Variants in TRAF3IP2 observed in about 807,000 individuals in gnomAD.
The protein encoded by TRAF3IP2 is TRAF3 interacting protein 2.
Under a neutral mutation model 57.9 loss-of-function variants are expected in TRAF3IP2, and 35 were observed. That is an observed-to-expected ratio of 0.60 (90% CI 0.46 to 0.80). TRAF3IP2 has a LOEUF of 0.80. TRAF3IP2 is among the 30% of genes least tolerant of loss of function. TRAF3IP2 has a pLI of 0.00. For missense variants in TRAF3IP2, 556 were observed against 706.4 expected (o/e 0.79, Z 2.41); for synonymous variants, 251 against 268.9 (o/e 0.93, Z 0.65).
chr6:111,572,987 A>C lies in TRAF3IP2; in HGVS notation c.1202-4T>G, dbSNP rs1795877265. 2 of 1,610,318 alleles carry C rather than the reference A, an allele frequency of 1.2e-6. No individual in the cohort carries two copies. Among genetic ancestry groups the C allele is most frequent in the East Asian group, 4.5e-5 (2 of 44,832 alleles). ...GAATAAGTGATAAAGACTTTCCCTA[A>C]GAGAAAATTTTTACATTTATTAGAA... On this transcript the variant is annotated splice_region_variant and splice_polypyrimidine_tract_variant and intron_variant, in intron 4 of 8. Transcript: ENST00000368761.
chr6:111,570,221 C>T (rs1000792131), intron 5 of TRAF3IP2, among the ~76,000 whole-genome samples: 1 of 152,126 alleles, frequency 6.6e-6, no homozygotes, highest in African/African-American at 2.4e-5. Flanking sequence ...TTCCAGACTC[C>T]AGAACTGTGA....
intron 2 of TRAF3IP2, among the ~76,000 whole-genome samples, chr6:111,580,857 C>T (rs575034870): frequency 1.3e-5 from 2 of 152,170 alleles, no homozygotes; most frequent in African/African-American, 2.4e-5. Context: ...TGCACACACA[C>T]GTGCGCGCAC....
chr6:111,585,622 A>T (rs1433956584), intron 2 of TRAF3IP2, among the ~76,000 whole-genome samples: 1 of 152,188 alleles, frequency 6.6e-6, no homozygotes, highest in African/African-American at 2.4e-5. Flanking sequence ...GGGGAGACAT[A>T]TGAGTCGACA....
intron 2 of TRAF3IP2, among the ~76,000 whole-genome samples, chr6:111,584,734 T>A (rs1020566201): frequency 6.6e-6 from 1 of 151,884 alleles, no homozygotes; most frequent in Non-Finnish European, 1.5e-5. Flanking sequence ...GTTTTAATCA[T>A]TTTTTTCCAA....
intron 1 of TRAF3IP2, among the ~76,000 whole-genome samples, chr6:111,593,202 G>T (rs982320182): frequency 6.6e-6 from 1 of 152,152 alleles, no homozygotes; most frequent in African/African-American, 2.4e-5. Context: ...AAATCCCAGA[G>T]GGTTATTCTA....
Position 111,585,159 on chromosome 6 carries a change from A to G in TRAF3IP2, c.830-4770T>C, listed in dbSNP as rs140920676. 2.8e-3 allele frequency among the ~76,000 whole-genome samples: 424 copies of G among 152,300 alleles called. 1 individual carries two copies. Among genetic ancestry groups the G allele is most frequent in the African/African-American group, 7.7e-3 (318 of 41,558 alleles). ...AACAACCAGTTACTTCCCTTATAGCACTTATAATTTGTCATTCTGTTTCTG... is the reference window on the plus strand; with the variant it reads ...AACAACCAGTTACTTCCCTTATAGCGCTTATAATTTGTCATTCTGTTTCTG... On this transcript the variant is annotated intron_variant, in intron 2 of 8. Transcript: ENST00000368761.
At chr6:111,574,072 T>G (rs1394257373) in intron 4 of TRAF3IP2, 1 of 152,220 alleles carries the variant, frequency 6.6e-6, no homozygotes, top group East Asian at 1.9e-4. Flanking sequence ...ATATATATGA[T>G]CTATAGATTG....
At chr6:111,575,218 C>G (rs1439175954) in intron 4 of TRAF3IP2, among the ~76,000 whole-genome samples, 27 of 152,008 alleles carry the variant, frequency 1.8e-4, no homozygotes, top group Non-Finnish European at 2.9e-5. Context: ...GAGTGAGACC[C>G]TGTCTTAAAA....
At chr6:111,563,724 T>A (rs189168596) in intron 7 of TRAF3IP2, among the ~76,000 whole-genome samples, 1 of 152,284 alleles carries the variant, frequency 6.6e-6, no homozygotes, top group East Asian at 1.9e-4. Flanking sequence ...TGAAAGTGTG[T>A]TGATGTGGTT....
At chr6:111,560,524 T>A (rs1795396070) in intron 8 of TRAF3IP2, among the ~76,000 whole-genome samples, 1 of 152,224 alleles carries the variant, frequency 6.6e-6, no homozygotes, top group African/African-American at 2.4e-5. Context: ...ACCTGCTGCA[T>A]GGCAGGCATC....
Position 111,591,853 on chromosome 6 carries a change from C to T in TRAF3IP2, c.234G>A (p.Arg78=), listed in dbSNP as rs1466622467. ...CTTGAGTGCGCAGGCAGGTGACCTGCCGGGATACAGGCCGCTGGTGATTTG... is the reference window on the plus strand; with the variant it reads ...CTTGAGTGCGCAGGCAGGTGACCTGTCGGGATACAGGCCGCTGGTGATTTG... The part of the protein sequence containing the change: ...KLANHQRPVS[R]QVTCLRTQVL... Residue 78 remains arginine, a synonymous_variant, in exon 2 of 9, where the codon CGG becomes CGA. Coordinates refer to ENST00000368761, the MANE Select transcript of TRAF3IP2 (RefSeq NM_147686.4). This position sits in a 1 kb window ranked among gnomAD's most constrained non-coding sequence, Gnocchi z 4.9. The T allele has an allele frequency of 6.2e-7, 1 of 1,614,078 alleles. No homozygotes were observed. Among genetic ancestry groups the T allele is most frequent in the African/African-American group, 1.3e-5 (1 of 74,924 alleles).
intron 1 of TRAF3IP2, among the ~76,000 whole-genome samples, chr6:111,596,868 G>C (rs1459744587): frequency 1.3e-5 from 2 of 152,138 alleles, no homozygotes; most frequent in African/African-American, 2.4e-5. Context: ...CAAAGTGCTG[G>C]GATTATAAGT....
intron 5 of TRAF3IP2, among the ~76,000 whole-genome samples, chr6:111,570,633 TAAAC>T (rs1483282432): frequency 2.0e-5 from 3 of 152,210 alleles, no homozygotes; most frequent in Admixed American, 2.0e-4. Context: ...GTTGTGAAGA[TAAAC>T]AAACAAAACC....
chr6:111,580,202 C>T lies in TRAF3IP2; in HGVS notation c.1017G>A (p.Arg339=). The change falls in exon 3 of 9, where the codon AGG becomes AGA. Residue 339 remains arginine, a synonymous_variant. Transcript: ENST00000368761. Reference sequence around the variant, plus strand: ...GTTGGGCCTGTCATACTTACTGGTGCCTTGGAAGCCCCGGAAAGGAGCAGT... The same window carrying T: ...GTTGGGCCTGTCATACTTACTGGTGTCTTGGAAGCCCCGGAAAGGAGCAGT... ...QRDCSFPGLP[R]HQDQPHHQPP... 6.2e-7 allele frequency: 1 copy of T among 1,613,920 alleles called. No homozygotes were observed. Among genetic ancestry groups the T allele is most frequent in the Non-Finnish European group, 8.5e-7 (1 of 1,179,900 alleles).
Position 111,572,961 on chromosome 6 carries a change from C to T in TRAF3IP2, c.1224G>A (p.Ser408=), listed in dbSNP as rs761644425. The T allele has an allele frequency of 1.9e-6, 3 of 1,613,876 alleles. No individual in the cohort carries two copies. Among genetic ancestry groups the T allele is most frequent in the Non-Finnish European group, 2.5e-6 (3 of 1,179,934 alleles). The change falls in exon 5 of 9, where the codon TCG becomes TCA. Residue 408 remains serine, a synonymous_variant. Transcript: ENST00000368761. ...TCACCACCTCCATAGCTGTGTCCAT[C>T]GAATAAGTGATAAAGACTTTCCCTA... ...EELRKVFITY[S]MDTAMEVVKF...
chr6:111,572,386 T>G (rs1483029906), intron 5 of TRAF3IP2, among the ~76,000 whole-genome samples: 1 of 152,164 alleles, frequency 6.6e-6, no homozygotes, highest in Non-Finnish European at 1.5e-5. Context: ...GAAGCATCAC[T>G]GCGTCAAGGT....
intron 6 of TRAF3IP2, 115 bp from the exon 7 acceptor site, chr6:111,566,675 G>C: frequency 4.4e-6 from 4 of 910,104 alleles, no homozygotes; most frequent in Non-Finnish European, 1.8e-6. Flanking sequence ...GAGAAGCACT[G>C]GCCCCCACTC....
At position 111,562,850 on chromosome 6, in the gene TRAF3IP2, A is replaced by C. The variant is rs1795497354; in HGVS notation, c.1551+115T>G. ...ACACAGCGAGACTCCATCTCAAAAA[A>C]AAAAAAAAAGAAAAGAAAGAAAAAA... On this transcript the variant is annotated intron_variant, in intron 8 of 8. Coordinates refer to ENST00000368761, the MANE Select transcript of TRAF3IP2 (RefSeq NM_147686.4). 2.4e-5 allele frequency: 21 copies of C among 879,712 alleles called. No individual in the cohort carries two copies. In the South Asian group the frequency reaches 3.6e-4, roughly 15 times the overall value. 54.5% of individuals were successfully genotyped at this position (879,712 alleles called of 1,614,324 possible).
Position 111,591,023 on chromosome 6 carries a change from T to TA in TRAF3IP2, c.829+234dup, listed in dbSNP as rs1284194952. On this transcript the variant is annotated intron_variant, in intron 2 of 8. Coordinates refer to ENST00000368761, the MANE Select transcript of TRAF3IP2 (RefSeq NM_147686.4). This position sits in a 1 kb window ranked among gnomAD's most constrained non-coding sequence, Gnocchi z 4.9. The stretch of plus-strand genomic sequence containing the variant: ...CAGACAGAGGAACCCATTTTGTCCT[T>TA]AAAGGTCCCTAGAGAAGGAGACTCC... 6.6e-6 allele frequency among the ~76,000 whole-genome samples: 1 copy of TA among 152,154 alleles called. No homozygotes were observed. Among genetic ancestry groups the TA allele is most frequent in the Non-Finnish European group, 1.5e-5 (1 of 67,994 alleles).
Sources: gnomAD v4.1 joint callset for allele counts (sites outside exome capture counted in the v4.1 genomes callset) on GRCh38, gnomAD v4.1.1 for gene constraint, Gnocchi (gnomAD v3.1) non-coding constraint, MANE v1.5 for transcripts, NCBI Gene and HGNC (gene_info 2026-07-23, HGNC 2026-07-21) for gene names.